The following PRKG2 variants were observed in gnomAD, a reference collection of about 807,000 sequenced individuals.
PRKG2 encodes the protein protein kinase cGMP-dependent 2.
PRKG2 carries 33 observed loss-of-function variants against 97.2 expected under a neutral mutation model. That is an observed-to-expected ratio of 0.34 (90% CI 0.26 to 0.45). The LOEUF is 0.45. Ranked by LOEUF, PRKG2 falls within the 20% of genes least tolerant of loss-of-function variation. The pLI is 1.00. For missense variants in PRKG2, 638 were observed against 900.0 expected, an observed-to-expected ratio of 0.71 and a Z score of 3.73; for synonymous variants, 330 against 321.8, an observed-to-expected ratio of 1.03 and a Z score of -0.27.
intron 14 of PRKG2, among the ~76,000 whole-genome samples, chr4:81,115,718 C>A (rs969403769): frequency 6.6e-6 from 1 of 152,162 alleles, no homozygotes; most frequent in Non-Finnish European, 1.5e-5. Flanking sequence ...CTATCTAGAA[C>A]TATGCCACAA....
intron 17 of PRKG2, among the ~76,000 whole-genome samples, chr4:81,098,591 C>G (rs560266778): frequency 9.9e-5 from 15 of 151,964 alleles, no homozygotes; most frequent in Non-Finnish European, 4.4e-5. Context: ...TACTTAGAGG[C>G]CATTGTAGGG....
intron 7 of PRKG2, among the ~76,000 whole-genome samples, chr4:81,152,539 G>T (rs1748516391): frequency 6.6e-6 from 1 of 152,116 alleles, no homozygotes; most frequent in African/African-American, 2.4e-5. Context: ...TTGAAGAAGG[G>T]TCTACAACTT....
intron 12 of PRKG2, 135 bp from the exon 13 acceptor site, chr4:81,137,617 G>A: frequency 1.5e-6 from 1 of 655,190 alleles, no homozygotes; most frequent in East Asian, 2.8e-5. Flanking sequence ...AACTACACTG[G>A]GCTTCTCGCC....
intron 6 of PRKG2, among the ~76,000 whole-genome samples, chr4:81,158,073 T>C (rs1749266391): frequency 1.3e-5 from 2 of 148,560 alleles, no homozygotes; most frequent in African/African-American, 5.3e-5. Flanking sequence ...TTGGAAGTTC[T>C]GGCCAGGGCA....
chr4:81,159,462 G>C (rs898018817), intron 6 of PRKG2, among the ~76,000 whole-genome samples: 9 of 152,196 alleles, frequency 5.9e-5, no homozygotes, highest in Admixed American at 5.9e-4. Context: ...AGAAACAACA[G>C]GTGCTGGAGA....
In PRKG2 at chr4:81,178,720, A is replaced by G. The variant is rs550511597; in HGVS notation, c.462-3761T>C. Among the ~76,000 whole-genome samples, 16 of 152,070 alleles carry G rather than the reference A, an allele frequency of 1.1e-4. No homozygotes were observed. In the South Asian group the frequency reaches 2.5e-3, roughly 24 times the overall value. On this transcript the variant is annotated intron_variant, in intron 2 of 18. Transcript: ENST00000264399. The stretch of plus-strand genomic sequence containing the variant: ...AAAACAAAAAACTAAAAATCAAAAC[A>G]TAAGAGATATATGAGGCATAATAGA...
chr4:81,192,532 A>C lies in PRKG2; in HGVS notation c.461+12055T>G, dbSNP rs554932829. On this transcript the variant is annotated intron_variant, in intron 2 of 18. Transcript: ENST00000264399. ...CAATTTTAGCATACATGCTGCCAGC[A>C]CCTTCCTTGCTTCATTATATTGGAC... is the stretch of plus-strand genomic sequence containing the variant. Among the ~76,000 whole-genome samples the C allele has an allele frequency of 4.6e-5, 7 of 152,300 alleles. No individual in the cohort carries two copies. In the East Asian group the frequency reaches 1.4e-3, roughly 29 times the overall value.
chr4:81,138,605 GTGAGATAAA>G (rs1430976025), intron 12 of PRKG2, among the ~76,000 whole-genome samples: 1 of 151,882 alleles, frequency 6.6e-6, no homozygotes, highest in East Asian at 1.9e-4. Flanking sequence ...TAATTGACCA[GTGAGATAAA>G]TGTGTTGATT....
At position 81,204,852 on chromosome 4, in the gene PRKG2, C is replaced by A; in HGVS notation, c.196G>T (p.Ala66Ser). ...TTCTGGAGCTCCTCTGTGAGTTCAG[C>A]AATGGCCACAGTCTGCTTCGACAGC... ...EQLSKQTVAI[A>S]ELTEELQNKC... Residue 66 changes from alanine (A) to serine (S), a missense_variant, in exon 2 of 19, where the codon GCT becomes TCT. Transcript: ENST00000264399. The A allele has an allele frequency of 2.5e-6, 4 of 1,614,202 alleles. No individual in the cohort carries two copies. The highest frequency in any genetic ancestry group is 3.4e-6 in the Non-Finnish European group (4 of 1,180,042).
At chr4:81,096,413 A>G (rs1742120370) in intron 17 of PRKG2, among the ~76,000 whole-genome samples, 1 of 152,096 alleles carries the variant, frequency 6.6e-6, no homozygotes, top group African/African-American at 2.4e-5. Context: ...GCATGCACCC[A>G]TAGTTCCAGC....
At chr4:81,106,928 ATC>A (rs1223813795) in intron 15 of PRKG2, among the ~76,000 whole-genome samples, 2 of 152,048 alleles carry the variant, frequency 1.3e-5, no homozygotes, top group Non-Finnish European at 2.9e-5. Flanking sequence ...TGGTAACCTG[ATC>A]TGGGACTTCC....
intron 4 of PRKG2, 88 bp downstream of exon 4, chr4:81,171,603 C>T: frequency 1.1e-6 from 1 of 951,364 alleles, no homozygotes; most frequent in Non-Finnish European, 1.5e-6. Flanking sequence ...GGGAAACAGA[C>T]TGTGGATCAG....
intron 16 of PRKG2, among the ~76,000 whole-genome samples, chr4:81,105,587 G>C (rs201871797): frequency 3.3e-5 from 5 of 152,042 alleles, no homozygotes; most frequent in Admixed American, 6.6e-5. Flanking sequence ...GAAAAATTTA[G>C]ATCTTTTTTT....
chr4:81,162,307 C>T lies in PRKG2; in HGVS notation c.912+4854G>A, dbSNP rs557793169. 9.2e-4 allele frequency among the ~76,000 whole-genome samples: 140 copies of T among 152,122 alleles called. 1 individual carries two copies. The highest frequency in any genetic ancestry group is 1.7e-3 in the Non-Finnish European group (119 of 68,004). On this transcript the variant is annotated intron_variant, in intron 6 of 18. Coordinates refer to ENST00000264399, the MANE Select transcript of PRKG2 (RefSeq NM_006259.3). ...AATATATGATTGTCCAGGTAAGTTA[C>T]ACTTGCCAGCCTTCCTGCTGTTAGC...
At chr4:81,093,723 T>A (rs1466470560) in intron 17 of PRKG2, among the ~76,000 whole-genome samples, 5 of 150,664 alleles carry the variant, frequency 3.3e-5, no homozygotes, top group Non-Finnish European at 7.3e-5. Context: ...TCATTGCTTA[T>A]GCATCACTCA....
intron 2 of PRKG2, among the ~76,000 whole-genome samples, chr4:81,197,257 GT>G (rs1424636342): frequency 6.6e-6 from 1 of 151,956 alleles, no homozygotes; most frequent in East Asian, 1.9e-4. Flanking sequence ...TGTCCAGAAT[GT>G]TTTTGAGAAA....
intron 6 of PRKG2, among the ~76,000 whole-genome samples, chr4:81,161,487 G>C (rs1400001967): frequency 6.6e-6 from 1 of 152,190 alleles, no homozygotes; most frequent in African/African-American, 2.4e-5. Flanking sequence ...AGGTTTCTCA[G>C]TTAGGGTCTC....
At chr4:81,215,947 T>C (rs537640676), upstream of PRKG2, among the ~76,000 whole-genome samples, 10 of 152,112 alleles carry the variant, frequency 6.6e-5, no homozygotes, top group African/African-American at 2.4e-4. Flanking sequence ...CCCACCGCAT[T>C]ATTTGCTGTG....
At chr4:81,128,602 T>C (rs1426697581) in intron 14 of PRKG2, among the ~76,000 whole-genome samples, 1 of 152,258 alleles carries the variant, frequency 6.6e-6, no homozygotes, top group Non-Finnish European at 1.5e-5. Context: ...CTAGATTTTC[T>C]AGTTTATTTG....
Sources: gnomAD v4.1 joint callset for allele counts (sites outside exome capture counted in the v4.1 genomes callset) on GRCh38, gnomAD v4.1.1 for gene constraint, MANE v1.5 for transcripts, NCBI Gene and HGNC (gene_info 2026-07-23, HGNC 2026-07-21) for gene names.